ZNF654: variants seen among roughly 807,000 people sequenced by gnomAD.
ZNF654 encodes the protein zinc finger protein 654.
In ZNF654, 19 loss-of-function variants were observed where a neutral mutation model predicts 95.3. The observed-to-expected ratio is 0.20, with a 90% CI of 0.14 to 0.29. The LOEUF (loss-of-function observed/expected upper bound fraction) is 0.29. Among genes scored for constraint, ZNF654 ranks in the 10% least tolerant of loss-of-function variants. The pLI, the probability that ZNF654 is intolerant of heterozygous loss-of-function variation, is 1.00. For synonymous variants in ZNF654, 413 were observed against 457.9 expected (o/e 0.90, Z 1.25); for missense variants, 1,046 against 1,341.0 (o/e 0.78, Z 3.44).
At chr3:88,086,936 C>G (rs551669708) in intron 2 of ZNF654, among the ~76,000 whole-genome samples, 12 of 152,262 alleles carry the variant, frequency 7.9e-5, no homozygotes, top group Middle Eastern at 3.4e-3. Context: ...GCGCCCGCCA[C>G]CACGCCTGGC....
intron 2 of ZNF654, among the ~76,000 whole-genome samples, chr3:88,101,200 A>C (rs1704401980): frequency 6.6e-6 from 1 of 152,128 alleles, no homozygotes; most frequent in Non-Finnish European, 1.5e-5. Flanking sequence ...AGTTTTATAG[A>C]GTTGTGCAAC....
chr3:88,081,915 A>G (rs571960262), intron 1 of ZNF654, among the ~76,000 whole-genome samples: 5 of 152,204 alleles, frequency 3.3e-5, no homozygotes, highest in Non-Finnish European at 5.9e-5. Flanking sequence ...ATATACAACT[A>G]CGTTACAAAT....
rs370619885 is a variant in ZNF654, at chr3:88,128,528, AAAG to A, written c.551-275_551-273del. Among the ~76,000 whole-genome samples, 77 of 152,150 alleles carry A rather than the reference AAAG, an allele frequency of 5.1e-4. 2 individuals carry two copies. The East Asian group carries it at 7.5e-3, about 15-fold the overall frequency. ...CATATTTTAACATATTAATGAACTG[AAAG>A]AAGAAAAAAAATTTTTTTTTAAATT... On this transcript the variant is annotated intron_variant, in intron 4 of 8. Coordinates refer to ENST00000636215, the MANE Select transcript of ZNF654 (RefSeq NM_001350134.2).
At chr3:88,108,176 G>A (rs908856638) in intron 2 of ZNF654, among the ~76,000 whole-genome samples, 1 of 151,328 alleles carries the variant, frequency 6.6e-6, no homozygotes, top group African/African-American at 2.4e-5. Flanking sequence ...TTCAGGTCAC[G>A]ACCTACATGA....
In ZNF654 at chr3:88,086,365, T is replaced by C; in HGVS notation, c.295T>C (p.Cys99Arg). ...TTASASFPDE[C>R]EHVQYVLSSL... ...AGCCAGTGCATCATTCCCAGATGAA[T>C]GTGAGCATGTACAATATGTTTTGAG... Residue 99 changes from cysteine to arginine, a missense_variant, in exon 2 of 9, where the codon TGT becomes CGT. Cys to Arg is a radical substitution (Grantham distance 180, BLOSUM62 -3). Around this residue, in one of 9 missense-constraint regions of ZNF654, gnomAD observed 91 missense variants for 190.5 expected, o/e 0.48. Coordinates refer to ENST00000636215, the MANE Select transcript of ZNF654 (RefSeq NM_001350134.2). 6.5e-7 allele frequency: 1 copy of C among 1,535,798 alleles called. No homozygotes were observed.
rs376307986 is a variant in ZNF654 at position 88,119,049 on chromosome 3, G to A, written c.414+5853G>A. ...CCCATTACTGGGTATATACCCAAAG[G>A]ACTATAAATCATGCTGCTATAAAGA... On this transcript the variant is annotated intron_variant, in intron 3 of 8. Transcript: ENST00000636215. 5.2e-3 allele frequency among the ~76,000 whole-genome samples: 773 copies of A among 149,294 alleles called. 2 individuals are homozygous for A. Among genetic ancestry groups the A allele is most frequent in the African/African-American group, 0.016 (663 of 40,276 alleles).
chr3:88,139,533 T>C lies in ZNF654; in HGVS notation c.1864T>C (p.Ser622Pro). Reference protein sequence around the residue: ...EVTALEEINCSSSSISFENGN... With the variant: ...EVTALEEINCPSSSISFENGN... ...CACTGCTTTGGAAGAAATAAATTGT[T>C]CTAGTTCTTCCATTTCATTTGAAAA... The change falls in exon 8 of 9, where the codon TCT becomes CCT. Residue 622 changes from serine (S) to proline (P), a missense_variant. Coordinates refer to ENST00000636215, the MANE Select transcript of ZNF654 (RefSeq NM_001350134.2). The C allele has an allele frequency of 6.2e-7, 1 of 1,613,482 alleles. No homozygotes were observed. The highest frequency in any genetic ancestry group is 1.1e-5 in the South Asian group (1 of 90,968).
intron 5 of ZNF654, 45 bp downstream of exon 5, chr3:88,129,056 C>T: frequency 7.8e-7 from 1 of 1,285,974 alleles, no homozygotes; most frequent in Non-Finnish European, 1.0e-6. Context: ...TTAACCCTAC[C>T]AAAAAAAAAC....
chr3:88,092,733 A>G (rs1202969542), intron 2 of ZNF654, among the ~76,000 whole-genome samples: 1 of 152,202 alleles, frequency 6.6e-6, no homozygotes, highest in African/African-American at 2.4e-5. Flanking sequence ...ATATATGTAT[A>G]ACATTTACAA....
At chr3:88,113,228 CTA>C (rs1576304907) in intron 3 of ZNF654, 32 bp downstream of exon 3, 1 of 1,385,996 alleles carries the variant, frequency 7.2e-7, no homozygotes, top group Non-Finnish European at 9.9e-7. Flanking sequence ...CACACTTTGT[CTA>C]CACTTAAAAT....
At chr3:88,097,116 C>A (rs1184369761) in intron 2 of ZNF654, among the ~76,000 whole-genome samples, 1 of 152,054 alleles carries the variant, frequency 6.6e-6, no homozygotes, top group Non-Finnish European at 1.5e-5. Flanking sequence ...TTATCAACAA[C>A]CCTTTAATGA....
chr3:88,100,510 T>TG (rs1218706198), intron 2 of ZNF654, among the ~76,000 whole-genome samples: 1 of 150,636 alleles, frequency 6.6e-6, no homozygotes, highest in African/African-American at 2.4e-5. Context: ...GCTGCGCACA[T>TG]GTATGTTTAT....
At chr3:88,130,012 T>C (rs1440702604) in intron 6 of ZNF654, among the ~76,000 whole-genome samples, 186 bp downstream of exon 6, 3 of 152,230 alleles carry the variant, frequency 2.0e-5, no homozygotes, top group Non-Finnish European at 4.4e-5. Flanking sequence ...AATGTGCCAC[T>C]AAACTGATAG....
At chr3:88,103,538 G>A (rs1490921656) in intron 2 of ZNF654, among the ~76,000 whole-genome samples, 1 of 151,872 alleles carries the variant, frequency 6.6e-6, no homozygotes, top group African/African-American at 2.4e-5. Flanking sequence ...GATAAAATGA[G>A]GCAGAATAAA....
chr3:88,120,493 G>GT (rs2107797324), intron 3 of ZNF654, among the ~76,000 whole-genome samples: 3 of 152,238 alleles, frequency 2.0e-5, no homozygotes, highest in African/African-American at 7.2e-5. Flanking sequence ...GACTAGAATG[G>GT]TAATTGTAGA....
Position 88,070,574 on chromosome 3 carries a change from T to G in ZNF654, c.186+11069T>G, listed in dbSNP as rs1180312576. ...AGGCAACACTGCCTGTTTTTTTTTT[T>G]TTTTTTTTTTTTTTTGCAGATCATA... On this transcript the variant is annotated intron_variant, in intron 1 of 8. Coordinates refer to ENST00000636215, the MANE Select transcript of ZNF654 (RefSeq NM_001350134.2). 1.3e-3 allele frequency among the ~76,000 whole-genome samples: 26 copies of G among 19,768 alleles called. No homozygotes were observed. In the Admixed American group the frequency reaches 0.03, roughly 23 times the overall value. The allele number at this position is 19,768 out of a possible 152,430, so 13.0% of individuals were successfully genotyped here.
intron 1 of ZNF654, among the ~76,000 whole-genome samples, chr3:88,064,174 C>G (rs2107590366): frequency 1.3e-5 from 2 of 151,518 alleles, no homozygotes; most frequent in South Asian, 4.2e-4. Flanking sequence ...TCTTCCTTTC[C>G]TACTTCTTAT....
chr3:88,113,264 A>G, intron 3 of ZNF654, 68 bp downstream of exon 3: 1 of 951,976 alleles, frequency 1.1e-6, no homozygotes, highest in Admixed American at 2.6e-5. Context: ...CCCCCTAAAT[A>G]TAGCTTATTG....
chr3:88,133,553 A>G (rs1241725598), intron 6 of ZNF654, among the ~76,000 whole-genome samples: 5 of 152,008 alleles, frequency 3.3e-5, no homozygotes. Flanking sequence ...CCTTTGAAAG[A>G]TAAGTTCATC....
Sources: allele counts gnomAD v4.1 joint callset (sites outside exome capture counted in the v4.1 genomes callset), GRCh38; gene constraint gnomAD v4.1.1; regional missense constraint gnomAD v4.1.1; transcripts MANE v1.5; gene names NCBI Gene and HGNC (gene_info 2026-07-23, HGNC 2026-07-21).